Variants in MAP2K1 observed in about 807,000 individuals in gnomAD.
The protein encoded by MAP2K1 is mitogen-activated protein kinase kinase 1.
MAP2K1 carries 16 observed loss-of-function variants against 46.3 expected under a neutral mutation model. The ratio of observed to expected loss-of-function variants is 0.35; its 90% CI spans 0.23 to 0.52. The LOEUF is 0.52. MAP2K1 is among the 20% of genes least tolerant of loss of function. The pLI, the probability that MAP2K1 is intolerant of heterozygous loss-of-function variation, is 0.94. For synonymous variants in MAP2K1, 183 were observed against 185.6 expected, an observed-to-expected ratio of 0.99 and a Z score of 0.11; for missense variants, 263 against 497.1, an observed-to-expected ratio of 0.53 and a Z score of 4.48.
At chr15:66,400,987 A>G (rs1451240731) in intron 1 of MAP2K1, among the ~76,000 whole-genome samples, 2 of 152,190 alleles carry the variant, frequency 1.3e-5, no homozygotes, top group East Asian at 3.8e-4. Context: ...TAGACATTAC[A>G]TTCTCCAGTT....
intron 1 of MAP2K1, among the ~76,000 whole-genome samples, chr15:66,405,706 T>C (rs1404221296): frequency 6.6e-6 from 1 of 152,230 alleles, no homozygotes; most frequent in Non-Finnish European, 1.5e-5. Context: ...GCCTGGCCTT[T>C]AAACTAGATT....
intron 3 of MAP2K1, among the ~76,000 whole-genome samples, chr15:66,442,617 C>T: frequency 6.6e-6 from 1 of 152,188 alleles, no homozygotes; most frequent in East Asian, 1.9e-4. Flanking sequence ...CAACAATCAA[C>T]ACAGAAGACT....
intron 5 of MAP2K1, among the ~76,000 whole-genome samples, chr15:66,448,613 G>C (rs941575476): frequency 2.0e-5 from 3 of 152,194 alleles, no homozygotes; most frequent in African/African-American, 7.2e-5. Flanking sequence ...CAGACTTGTA[G>C]TTGGAATTTG....
intron 8 of MAP2K1, among the ~76,000 whole-genome samples, chr15:66,488,377 G>A (rs1893122029): frequency 6.6e-6 from 1 of 152,140 alleles, no homozygotes; most frequent in Non-Finnish European, 1.5e-5. Context: ...CTTTGTGGTG[G>A]GGATCAGTGT....
chr15:66,468,254 G>A (rs538407308), intron 5 of MAP2K1, among the ~76,000 whole-genome samples: 48 of 152,154 alleles, frequency 3.2e-4, no homozygotes, highest in African/African-American at 1.1e-3. Context: ...ACATCTTAAA[G>A]GTAAGACAGA....
intron 1 of MAP2K1, among the ~76,000 whole-genome samples, chr15:66,407,154 T>C (rs1393025769): frequency 6.6e-6 from 1 of 152,040 alleles, no homozygotes; most frequent in Non-Finnish European, 1.5e-5. Flanking sequence ...GTCTAACTTC[T>C]AGAAAGTTGG....
intron 1 of MAP2K1, among the ~76,000 whole-genome samples, chr15:66,393,976 A>C (rs190086673): frequency 2.2e-4 from 34 of 152,322 alleles, no homozygotes; most frequent in Non-Finnish European, 3.8e-4. Flanking sequence ...AACTGATGTT[A>C]CATCGTGTAT....
chr15:66,394,175 A>G (rs979196622), intron 1 of MAP2K1, among the ~76,000 whole-genome samples: 6 of 152,332 alleles, frequency 3.9e-5, no homozygotes, highest in Admixed American at 3.3e-4. Context: ...ATTTCTTTGA[A>G]GGCTATAAGG....
rs138972620 is a variant in MAP2K1 at position 66,462,359 on chromosome 15, G to C, written c.568+17652G>C. 4.9e-4 allele frequency among the ~76,000 whole-genome samples: 75 copies of C among 152,038 alleles called. 2 individuals are homozygous for C. In the East Asian group the frequency reaches 0.014, roughly 29 times the overall value. On this transcript the variant is annotated intron_variant, in intron 5 of 10. Transcript: ENST00000307102. ...TACTAAAAATACAAAAATTAGCTGG[G>C]CGTAGTGGCACATGCCTGTAGTCCT... is the stretch of plus-strand genomic sequence containing the variant.
At chr15:66,428,717 A>G (rs1201332868) in intron 1 of MAP2K1, among the ~76,000 whole-genome samples, 2 of 145,758 alleles carry the variant, frequency 1.4e-5, no homozygotes, top group Non-Finnish European at 3.0e-5. Context: ...AAGGGTAATC[A>G]CTTTCCTAAT....
chr15:66,392,762 A>G (rs959973588), intron 1 of MAP2K1, among the ~76,000 whole-genome samples: 1 of 151,996 alleles, frequency 6.6e-6, no homozygotes, highest in African/African-American at 2.4e-5. Context: ...CATGTTGGTC[A>G]GGCTGGTCTC....
rs1893079647 is a variant in MAP2K1, at chr15:66,487,430, G to A, written c.960+138G>A. 5 of 808,074 alleles carry A rather than the reference G, an allele frequency of 6.2e-6. No homozygotes were observed. The East Asian group carries it at 1.3e-4, about 21-fold the overall frequency. The allele number at this position is 808,074 out of a possible 1,614,324, so 50.1% of individuals were successfully genotyped here. ...GAGGCGGGTGGATCACACGAGGTGAGGAGTTCGAGACCAGCCTGGCCAACA... is the reference window on the plus strand; with the variant it reads ...GAGGCGGGTGGATCACACGAGGTGAAGAGTTCGAGACCAGCCTGGCCAACA... On this transcript the variant is annotated intron_variant, in intron 8 of 10. Coordinates refer to ENST00000307102, the MANE Select transcript of MAP2K1 (RefSeq NM_002755.4).
intron 7 of MAP2K1, among the ~76,000 whole-genome samples, chr15:66,486,587 A>G (rs543482328): frequency 2.0e-5 from 3 of 152,332 alleles, no homozygotes; most frequent in East Asian, 3.9e-4. Context: ...GATGATAAAC[A>G]CTGTGCAGTA....
intron 1 of MAP2K1, among the ~76,000 whole-genome samples, chr15:66,409,301 A>G (rs185426741): frequency 6.6e-6 from 1 of 152,278 alleles, no homozygotes; most frequent in Non-Finnish European, 1.5e-5. Context: ...AAAGGAGGAA[A>G]CATTTGGGGA....
intron 1 of MAP2K1, among the ~76,000 whole-genome samples, chr15:66,413,414 C>A (rs1047482366): frequency 6.6e-6 from 1 of 152,174 alleles, no homozygotes; most frequent in African/African-American, 2.4e-5. Flanking sequence ...GGGCAACTAA[C>A]CTGCTCTAGC....
At chr15:66,475,551 A>G (rs1042284435) in intron 5 of MAP2K1, among the ~76,000 whole-genome samples, 1 of 151,904 alleles carries the variant, frequency 6.6e-6, no homozygotes. Flanking sequence ...ACCGTCTTCC[A>G]TCTTGCCTTA....
chr15:66,439,451 G>A (rs1235557062), intron 3 of MAP2K1, among the ~76,000 whole-genome samples: 1 of 152,106 alleles, frequency 6.6e-6, no homozygotes, highest in African/African-American at 2.4e-5. Context: ...GGCCAACATG[G>A]TGAAAACCCA....
chr15:66,462,496 C>CAAAAAAAA (rs551065737), intron 5 of MAP2K1, among the ~76,000 whole-genome samples: 1 of 72,900 alleles, frequency 1.4e-5, no homozygotes. Context: ...GACTCTGTCT[C>CAAAAAAAA]AAAAAAAAAA....
rs876657503 is a variant in MAP2K1 at position 66,387,386 on chromosome 15, G to A, written c.39G>A (p.Pro13=). The stretch of plus-strand genomic sequence containing the variant: ...AGCCGACGCCCATCCAGCTGAACCC[G>A]GCCCCCGACGGCTCTGCAGTTAACG... ...KKKPTPIQLN[P]APDGSAVNGT... Residue 13 remains proline, a synonymous_variant, in exon 1 of 11, where the codon CCG becomes CCA. Coordinates refer to ENST00000307102, the MANE Select transcript of MAP2K1 (RefSeq NM_002755.4). 4 of 1,565,910 alleles carry A rather than the reference G, an allele frequency of 2.6e-6. No individual in the cohort carries two copies. The South Asian group carries it at 3.5e-5, about 14-fold the overall frequency.
Sources: allele counts gnomAD v4.1 joint callset (sites outside exome capture counted in the v4.1 genomes callset), GRCh38; gene constraint gnomAD v4.1.1; transcripts MANE v1.5; gene names NCBI Gene and HGNC (gene_info 2026-07-23, HGNC 2026-07-21).